Variants in LBR observed in about 807,000 individuals in gnomAD.
LBR encodes the protein delta(14)-sterol reductase LBR.
LBR carries 28 observed loss-of-function variants against 74.3 expected under a neutral mutation model. The observed-to-expected ratio is 0.38, with a 90% CI of 0.28 to 0.52. The LOEUF (loss-of-function observed/expected upper bound fraction) is 0.52. Among genes scored for constraint, LBR ranks in the 20% least tolerant of loss-of-function variants. LBR has a pLI of 0.89. For missense variants in LBR, 717 were observed against 760.3 expected (o/e 0.94, Z 0.67); for synonymous variants, 228 against 269.3 (o/e 0.85, Z 1.50).
Position 225,403,296 on chromosome 1 carries a change from A to G in LBR, c.*7T>C. 1.9e-6 allele frequency: 3 copies of G among 1,613,678 alleles called. No homozygotes were observed. The highest frequency in any genetic ancestry group is 8.5e-7 in the Non-Finnish European group (1 of 1,179,596). ...CAGGAGTATTTTGTAGAAAAGCCAG[A>G]AGAGCATTAGTAGATGTATGGAAAT... On this transcript the variant is annotated 3_prime_UTR_variant, in exon 14 of 14. Coordinates refer to ENST00000272163, the MANE Select transcript of LBR (RefSeq NM_002296.4).
chr1:225,422,447 T>A, intron 2 of LBR, 170 bp from the exon 3 acceptor site: 1 of 645,634 alleles, frequency 1.5e-6, no homozygotes, highest in Non-Finnish European at 2.8e-6. Flanking sequence ...GGAAAATGCT[T>A]TCATAATGAT....
At chr1:225,408,759 G>C (rs1036805801) in intron 10 of LBR, among the ~76,000 whole-genome samples, 1 of 152,130 alleles carries the variant, frequency 6.6e-6, no homozygotes, top group Non-Finnish European at 1.5e-5. Flanking sequence ...TCTACCCCTG[G>C]GGCTATGTTA....
chr1:225,428,075 C>G (rs1375339497), upstream of LBR: 1 of 152,076 alleles, frequency 6.6e-6, no homozygotes, highest in Non-Finnish European at 1.5e-5. Flanking sequence ...GTCCCGCAAG[C>G]CGGGCGCGCG....
rs1009617892 is a variant in LBR at position 225,402,982 on chromosome 1, C to T, written c.*321G>A. 1 of 236,538 alleles carries T rather than the reference C, an allele frequency of 4.2e-6. No homozygotes were observed. The highest frequency in any genetic ancestry group is 8.3e-6 in the Non-Finnish European group (1 of 121,056). The allele number at this position is 236,538 out of a possible 1,614,324, so 14.7% of individuals were successfully genotyped here. A position where few individuals can be genotyped will look rare whatever the true frequency, so the allele number is the denominator to read the frequency against. ...TCAAAATTTGAAAAGTAATCAGAAA[C>T]CATAAACATCAATAGCATTCTTCAC... is the stretch of plus-strand genomic sequence containing the variant. On this transcript the variant is annotated 3_prime_UTR_variant, in exon 14 of 14. Transcript: ENST00000272163.
chr1:225,406,717 C>T lies in LBR; in HGVS notation c.1430G>A (p.Ser477Asn), dbSNP rs371531855. The T allele has an allele frequency of 6.2e-7, 1 of 1,613,816 alleles. No homozygotes were observed. Among genetic ancestry groups the T allele is most frequent in the African/African-American group, 1.3e-5 (1 of 74,984 alleles). Residue 477 changes from serine (S) to asparagine (N), a missense_variant, in exon 11 of 14, where the codon AGT becomes AAT. By Grantham distance (46) the Ser-to-Asn change is conservative. Transcript: ENST00000272163. ...TGGCCAAGACACTTCATTTGGATGA[C>T]TGACTAAATAAAAGGCTTGGAAGCT... ...IYSFQAFYLVSHPNEVSWPMA... is the reference protein window; with the variant it reads ...IYSFQAFYLVNHPNEVSWPMA...
At chr1:225,410,080 A>C (rs2150947994) in intron 10 of LBR, among the ~76,000 whole-genome samples, 1 of 152,316 alleles carries the variant, frequency 6.6e-6, no homozygotes, top group Non-Finnish European at 1.5e-5. Flanking sequence ...AACAGCTGAT[A>C]AACACTGAAG....
chr1:225,405,199 A>C (rs1400330789), intron 11 of LBR, among the ~76,000 whole-genome samples: 1 of 152,240 alleles, frequency 6.6e-6, no homozygotes, highest in East Asian at 1.9e-4. Context: ...AACATCCTGC[A>C]CTTTAAATAC....
rs1356773894 is a variant in LBR, at chr1:225,403,152, C to G, written c.*151G>C. On this transcript the variant is annotated 3_prime_UTR_variant, in exon 14 of 14. Transcript: ENST00000272163. The stretch of plus-strand genomic sequence containing the variant: ...AGTAAACACGGCTATATTAAAAGAT[C>G]AACTACTCGGCTCCATAGTCCTGAC... 1 of 664,016 alleles carries G rather than the reference C, an allele frequency of 1.5e-6. No individual in the cohort carries two copies. The highest frequency in any genetic ancestry group is 1.8e-5 in the African/African-American group (1 of 54,716). The allele number at this position is 664,016 out of a possible 1,614,324, so 41.1% of individuals were successfully genotyped here.
At chr1:225,417,956 A>G in intron 6 of LBR, 28 bp downstream of exon 6, 1 of 1,607,036 alleles carries the variant, frequency 6.2e-7, no homozygotes, top group Middle Eastern at 1.7e-4. Context: ...CATCTTATTA[A>G]AACAAAACAG....
At position 225,418,097 on chromosome 1, in the gene LBR, T is replaced by C. The variant is rs886046053; in HGVS notation, c.724A>G (p.Asn242Asp). ...AAAGCTGGCAAAGGAGGAGGGAAAT[T>C]CAGAAGACTGGGATCTTTCTGTTTA... Reference protein sequence around the residue: ...MCKQKDPSLLNFPPPLPALYE... With the variant: ...MCKQKDPSLLDFPPPLPALYE... The change falls in exon 6 of 14, where the codon AAT becomes GAT. Residue 242 changes from asparagine (N) to aspartate (D), a missense_variant. Physicochemically the swap from Asn to Asp is conservative, Grantham distance 23. Coordinates refer to ENST00000272163, the MANE Select transcript of LBR (RefSeq NM_002296.4). The C allele has an allele frequency of 6.2e-7, 1 of 1,614,166 alleles. No homozygotes were observed. The highest frequency in any genetic ancestry group is 1.1e-5 in the South Asian group (1 of 91,090).
intron 10 of LBR, among the ~76,000 whole-genome samples, chr1:225,409,797 CTT>C (rs1346981112): frequency 6.6e-6 from 1 of 152,164 alleles, no homozygotes; most frequent in Middle Eastern, 3.2e-3. Flanking sequence ...AAGATGGAAA[CTT>C]AGCCTTATTT....
chr1:225,427,697 C>G (rs552746236), intron 1 of LBR: 1 of 152,454 alleles, frequency 6.6e-6, no homozygotes, highest in Non-Finnish European at 1.5e-5. Context: ...AAACCCCCAG[C>G]TCCATTTCCG....
rs145104817 is a variant in LBR at position 225,412,574 on chromosome 1, C to T, written c.964G>A (p.Val322Met). ...GCAAACTGAAGAAAATGACTGTACA[C>T]GTAATGAAACTCTACGCCCTGGAAG... The part of the protein sequence containing the change: ...SLFQGVEFHY[V>M]YSHFLQFALA... The change falls in exon 8 of 14, where the codon GTG becomes ATG. Residue 322 changes from valine to methionine, a missense_variant. Physicochemically the swap from Val to Met is conservative, Grantham distance 21. Coordinates refer to ENST00000272163, the MANE Select transcript of LBR (RefSeq NM_002296.4). 6.0e-5 allele frequency: 96 copies of T among 1,612,226 alleles called. 1 individual carries two copies. The East Asian group carries it at 2.1e-3, about 34-fold the overall frequency.
chr1:225,404,685 C>T lies in LBR; in HGVS notation c.1505G>A (p.Arg502Gln), dbSNP rs758405025. The change falls in exon 12 of 14, where the codon CGA becomes CAA. Residue 502 changes from arginine to glutamine, a missense_variant. Arg to Gln is a conservative substitution (Grantham distance 43, BLOSUM62 1). Transcript: ENST00000272163. ...TGCATTTTTCTGAGAATTTGCACCT[C>T]GGAAGATTACATAACCACAAACTGC... ...VLKLCGYVIF[R>Q]GANSQKNAFR... 3.8e-5 allele frequency: 62 copies of T among 1,610,556 alleles called. No homozygotes were observed. The highest frequency in any genetic ancestry group is 4.6e-5 in the Non-Finnish European group (54 of 1,178,500).
chr1:225,404,454 G>A lies in LBR; in HGVS notation c.1637C>T (p.Pro546Leu). The change falls in exon 13 of 14, where the codon CCC becomes CTC. Residue 546 changes from proline to leucine, a missense_variant. Transcript: ENST00000272163. ...VSGWWGFVRHPNYLGDLIMAL... is the reference protein window; with the variant it reads ...VSGWWGFVRHLNYLGDLIMAL... ...CATGATGAGATCACCCAAGTAATTG[G>A]GGTGGCGAACAAAGCCCCACCATCC... The A allele has an allele frequency of 6.2e-7, 1 of 1,614,110 alleles. No individual in the cohort carries two copies. Among genetic ancestry groups the A allele is most frequent in the East Asian group, 2.2e-5 (1 of 44,882 alleles).
chr1:225,413,982 C>T (rs2096111672), intron 7 of LBR: 1 of 456,628 alleles, frequency 2.2e-6, no homozygotes, highest in Non-Finnish European at 4.4e-6. Flanking sequence ...GAGAAACACA[C>T]AAAACACTGA....
rs750192278 is a variant in LBR, at chr1:225,418,048, A to C, written c.773T>G (p.Val258Gly). The C allele has an allele frequency of 3.7e-6, 6 of 1,614,154 alleles. No individual in the cohort carries two copies. The East Asian group carries it at 1.3e-4, about 36-fold the overall frequency. The change falls in exon 6 of 14, where the codon GTA becomes GGA. Residue 258 changes from valine (V) to glycine (G), a missense_variant. Transcript: ENST00000272163. The stretch of plus-strand genomic sequence containing the variant: ...AAACCACAGGAGGTAGACCCCAAAT[A>C]CTCTGGTTTCCCATAACTCATACAA... ...PALYELWETRVFGVYLLWFLI... is the reference protein window; with the variant it reads ...PALYELWETRGFGVYLLWFLI...
At chr1:225,403,550 A>G in intron 13 of LBR, 87 bp from the exon 14 acceptor site, 1 of 1,034,854 alleles carries the variant, frequency 9.7e-7, no homozygotes, top group Non-Finnish European at 1.5e-6. Flanking sequence ...TTCTCTAAAA[A>G]TGGAACCACA....
At chr1:225,412,860 C>A (rs915148416) in intron 7 of LBR, among the ~76,000 whole-genome samples, 21 of 152,090 alleles carry the variant, frequency 1.4e-4, no homozygotes, top group Non-Finnish European at 2.9e-4. Flanking sequence ...AATAGTTTAA[C>A]ATATTGATTC....
Sources: allele counts gnomAD v4.1 joint callset (sites outside exome capture counted in the v4.1 genomes callset), GRCh38; gene constraint gnomAD v4.1.1; transcripts MANE v1.5; gene names NCBI Gene and HGNC (gene_info 2026-07-23, HGNC 2026-07-21).